The following USP40 variants were observed in gnomAD, a reference collection of about 807,000 sequenced individuals.
USP40 encodes the protein ubiquitin specific peptidase 40.
In USP40, 143 loss-of-function variants were observed where a neutral mutation model predicts 166.2. That is an observed-to-expected ratio of 0.86 (90% CI 0.75 to 0.99). The LOEUF (loss-of-function observed/expected upper bound fraction) is 0.99. Among genes scored for constraint, USP40 ranks in the 50% least tolerant of loss-of-function variants. The pLI is 0.00. For missense variants in USP40, 1,444 were observed against 1,479.7 expected (o/e 0.98, Z 0.40); for synonymous variants, 498 against 524.0 (o/e 0.95, Z 0.68).
At position 233,477,354 on chromosome 2, in the gene USP40, G is replaced by T; in HGVS notation, c.*38C>A. On this transcript the variant is annotated 3_prime_UTR_variant, in exon 32 of 32. Transcript: ENST00000678225. ...GAAACCCACGTTTGTGGCATCAGCC[G>T]GAGAGTTCATCGGGAGTAGAGCCGT... is the stretch of plus-strand genomic sequence containing the variant. The T allele has an allele frequency of 6.3e-7, 1 of 1,594,224 alleles. No individual in the cohort carries two copies. The highest frequency in any genetic ancestry group is 1.1e-5 in the South Asian group (1 of 89,878).
intron 3 of USP40, 74 bp from the exon 4 acceptor site, chr2:233,559,998 C>G: frequency 9.6e-7 from 1 of 1,038,662 alleles, no homozygotes; most frequent in Non-Finnish European, 1.4e-6. Flanking sequence ...CAACTGCATA[C>G]TAGCTTTTTT....
chr2:233,505,323 AG>A (rs2066345296), intron 21 of USP40, among the ~76,000 whole-genome samples: 1 of 152,136 alleles, frequency 6.6e-6, no homozygotes, highest in South Asian at 2.1e-4. Flanking sequence ...AAGAAGCAGA[AG>A]GGAATAATAA....
chr2:233,500,997 A>G (rs1470020833), intron 21 of USP40, among the ~76,000 whole-genome samples: 1 of 152,220 alleles, frequency 6.6e-6, no homozygotes, highest in African/African-American at 2.4e-5. Context: ...AAGTTTAAAA[A>G]GTGAGAAGAA....
chr2:233,493,601 A>G lies in USP40; in HGVS notation c.2791-50T>C, dbSNP rs373843017. The G allele has an allele frequency of 1.0e-5, 16 of 1,530,116 alleles. No homozygotes were observed. Among genetic ancestry groups the G allele is most frequent in the African/African-American group, 5.5e-5 (4 of 72,732 alleles). The allele number at this position is 1,530,116 out of a possible 1,614,324, so 94.8% of individuals were successfully genotyped here. On this transcript the variant is annotated intron_variant, in intron 24 of 31. Coordinates refer to ENST00000678225, the MANE Select transcript of USP40 (RefSeq NM_001365479.2). This position sits in a 1 kb window ranked among gnomAD's most constrained non-coding sequence, Gnocchi z 4.7. The stretch of plus-strand genomic sequence containing the variant: ...GCTGTGATTACAAAGATTAAGTGAA[A>G]CTCTACTTTTACTTCCATAGAAAGA...
intron 22 of USP40, 146 bp from the exon 23 acceptor site, chr2:233,498,758 G>C (rs2125103078): frequency 3.0e-6 from 2 of 656,958 alleles, no homozygotes; most frequent in Non-Finnish European, 2.6e-6. Flanking sequence ...AATGAAGTCT[G>C]AGAACAGCAA....
chr2:233,541,093 A>T (rs1204788322), intron 9 of USP40, among the ~76,000 whole-genome samples: 1 of 152,228 alleles, frequency 6.6e-6, no homozygotes, highest in African/African-American at 2.4e-5. Context: ...ATATTAAACA[A>T]GAATTTTGGA....
Position 233,476,964 on chromosome 2 carries a change from G to C in USP40, c.*428C>G, listed in dbSNP as rs56847313. 0.033 allele frequency: 9,979 copies of C among 298,968 alleles called. 667 individuals are homozygous for C. Among genetic ancestry groups the C allele is most frequent in the African/African-American group, 0.16 (7,414 of 45,198 alleles). 18.5% of individuals were successfully genotyped at this position (298,968 alleles called of 1,614,324 possible). ...GCAGTGGCCTGAGACACTGTGAGAA[G>C]CCGGTCAGGGCGAACGAGAGTCATC... is the stretch of plus-strand genomic sequence containing the variant. On this transcript the variant is annotated 3_prime_UTR_variant, in exon 32 of 32. Transcript: ENST00000678225.
intron 7 of USP40, among the ~76,000 whole-genome samples, chr2:233,550,885 T>C (rs1026221651): frequency 1.3e-5 from 2 of 152,200 alleles, no homozygotes; most frequent in African/African-American, 4.8e-5. Context: ...ACATGTAAAA[T>C]AAACTAAATC....
At chr2:233,515,837 G>T (rs1174410776) in intron 18 of USP40, among the ~76,000 whole-genome samples, 1 of 152,082 alleles carries the variant, frequency 6.6e-6, no homozygotes, top group African/African-American at 2.4e-5. Context: ...ACTTTTAGTT[G>T]TATGATCCAT....
chr2:233,531,219 G>A (rs1313785753), intron 11 of USP40, among the ~76,000 whole-genome samples: 2 of 152,108 alleles, frequency 1.3e-5, no homozygotes, highest in Non-Finnish European at 2.9e-5. Flanking sequence ...CTTTTTCAAT[G>A]ATCTGTCTAC....
Position 233,527,553 on chromosome 2 carries a change from T to C in USP40, c.1579A>G (p.Thr527Ala). The C allele has an allele frequency of 6.2e-7, 1 of 1,610,832 alleles. No individual in the cohort carries two copies. The highest frequency in any genetic ancestry group is 1.1e-5 in the South Asian group (1 of 90,172). Reference sequence around the variant, plus strand: ...CCCAGGTGAAGATGCAATTCAAAAGTATTGTTTGCAGAATCACATTCTGCC... The same window carrying C: ...CCCAGGTGAAGATGCAATTCAAAAGCATTGTTTGCAGAATCACATTCTGCC... ...KRAECDSANN[T>A]FELHLHLGPQ... Residue 527 changes from threonine to alanine, a missense_variant, in exon 13 of 32, where the codon ACT becomes GCT. Transcript: ENST00000678225.
chr2:233,491,514 A>C (rs1355538061), intron 25 of USP40, among the ~76,000 whole-genome samples: 1 of 152,094 alleles, frequency 6.6e-6, no homozygotes, highest in Non-Finnish European at 1.5e-5. Flanking sequence ...TCCTTCCTCA[A>C]AGAGGACTTT....
chr2:233,549,040 C>T (rs2070273221), intron 8 of USP40, 61 bp downstream of exon 8: 1 of 1,482,700 alleles, frequency 6.7e-7, no homozygotes, highest in Non-Finnish European at 9.0e-7. Flanking sequence ...ATTTCCTCAA[C>T]AAAATAATAG....
At chr2:233,520,554 GC>G (rs1316143377) in intron 17 of USP40, among the ~76,000 whole-genome samples, 1 of 151,988 alleles carries the variant, frequency 6.6e-6, no homozygotes, top group Admixed American at 6.6e-5. Context: ...AGAACACCTG[GC>G]TTTACAGAAA....
Position 233,493,861 on chromosome 2 carries a change from G to A in USP40, c.2791-310C>T, listed in dbSNP as rs893449624. On this transcript the variant is annotated intron_variant, in intron 24 of 31. Coordinates refer to ENST00000678225, the MANE Select transcript of USP40 (RefSeq NM_001365479.2). The surrounding 1 kb of genome is among the most constrained non-coding windows in gnomAD (Gnocchi z 4.7). The stretch of plus-strand genomic sequence containing the variant: ...ACACACTATACCAGCGTTTCCAGGC[G>A]CTGTCCAAGCACTGCTGGCCCAGGA... Among the ~76,000 whole-genome samples the A allele has an allele frequency of 2.6e-5, 4 of 152,128 alleles. No individual in the cohort carries two copies. The highest frequency in any genetic ancestry group is 2.1e-4 in the South Asian group (1 of 4,814).
At chr2:233,560,653 C>G (rs1317796385) in intron 3 of USP40, 2 of 202,038 alleles carry the variant, frequency 9.9e-6, no homozygotes, top group Non-Finnish European at 2.0e-5. Context: ...TGAGCCTGAA[C>G]ATGGTAAGAA....
chr2:233,513,498 T>C (rs2066970777), intron 18 of USP40, among the ~76,000 whole-genome samples: 1 of 152,186 alleles, frequency 6.6e-6, no homozygotes, highest in African/African-American at 2.4e-5. Context: ...ATGTGTTATT[T>C]ATGTGATGAA....
At chr2:233,542,229 C>T (rs1246295359) in intron 9 of USP40, 39 bp downstream of exon 9, 20 of 1,232,596 alleles carry the variant, frequency 1.6e-5, no homozygotes, top group Non-Finnish European at 2.0e-5. Flanking sequence ...ACACACAATA[C>T]ATACCATACA....
Position 233,554,523 on chromosome 2 carries a change from C to A in USP40, c.550G>T (p.Asp184Tyr), listed in dbSNP as rs200363827. ...ACTGCTACTGTTAGATCTAAGAAGT[C>A]TTCCTGAAATAGACATGAATATAAT... ...ECKNVSERQE[D>Y]FLDLTVAVKN... Residue 184 changes from aspartate (D) to tyrosine (Y), a missense_variant, in exon 6 of 32, where the codon GAC (aspartate) becomes TAC (tyrosine). Physicochemically the swap from Asp to Tyr is radical, Grantham distance 160. Coordinates refer to ENST00000678225, the MANE Select transcript of USP40 (RefSeq NM_001365479.2). 1,280 of 1,601,656 alleles carry A rather than the reference C, an allele frequency of 8.0e-4. 1 individual carries two copies. Among genetic ancestry groups the A allele is most frequent in the Non-Finnish European group, 1.0e-3 (1,202 of 1,175,776 alleles).
Sources: gnomAD v4.1 joint callset for allele counts (sites outside exome capture counted in the v4.1 genomes callset) on GRCh38, gnomAD v4.1.1 for gene constraint, Gnocchi (gnomAD v3.1) non-coding constraint, MANE v1.5 for transcripts, NCBI Gene and HGNC (gene_info 2026-07-23, HGNC 2026-07-21) for gene names.